PTPN22: variants seen among roughly 807,000 people sequenced by gnomAD.
The protein encoded by PTPN22 is protein tyrosine phosphatase non-receptor type 22.
PTPN22 carries 85 observed loss-of-function variants against 103.3 expected under a neutral mutation model. That is an observed-to-expected ratio of 0.82 (90% confidence interval 0.69 to 0.99). The LOEUF (loss-of-function observed/expected upper bound fraction) is 0.99. Among genes scored for constraint, PTPN22 ranks in the 50% least tolerant of loss-of-function variants. PTPN22 has a pLI of 0.00. For synonymous variants in PTPN22, 323 were observed against 310.2 expected, an observed-to-expected ratio of 1.04 and a Z score of -0.43; for missense variants, 865 against 936.9, an observed-to-expected ratio of 0.92 and a Z score of 1.00.
At chr1:113,856,592 G>T (rs1450261764) in exon 6 of PTPN22, 1 of 1,614,020 alleles carries the variant, frequency 6.2e-7, no homozygotes, top group Non-Finnish European at 8.5e-7. Context: ...ATCTCTCCTG[G>T]CTCAGCCCAG....
chr1:113,858,514 C>T, exon 4 of PTPN22: 1 of 1,606,776 alleles, frequency 6.2e-7, no homozygotes, highest in Non-Finnish European at 8.5e-7. Context: ...TCCAGAAGTC[C>T]AGGAGGGTTG....
At chr1:113,857,546 G>T in intron 5 of PTPN22, 192 bp downstream of exon 5, 1 of 542,838 alleles carries the variant, frequency 1.8e-6, no homozygotes, top group East Asian at 3.1e-5. Context: ...GGTCTACTGA[G>T]AAAACAAACA....
chr1:113,815,703 G>T (rs1008299379), intron 20 of PTPN22, among the ~76,000 whole-genome samples: 2 of 152,200 alleles, frequency 1.3e-5, no homozygotes, highest in African/African-American at 4.8e-5. Flanking sequence ...GTCTGAGACA[G>T]AGTCTTGCTC....
At chr1:113,841,765 G>C (rs1021442001) in intron 11 of PTPN22, among the ~76,000 whole-genome samples, 7 of 152,022 alleles carry the variant, frequency 4.6e-5, no homozygotes, top group Non-Finnish European at 1.0e-4. Context: ...ACCACACCCG[G>C]CTAATTTTTG....
chr1:113,853,859 CT>C (rs894010114), intron 9 of PTPN22, among the ~76,000 whole-genome samples: 846 of 67,172 alleles, frequency 0.013, 1 homozygote, highest in Non-Finnish European at 0.016. Flanking sequence ...TTTTTTTTTG[CT>C]TTTTTTTTTT....
intron 1 of PTPN22, among the ~76,000 whole-genome samples, chr1:113,868,828 T>C (rs1424793102): frequency 2.0e-5 from 3 of 152,154 alleles, no homozygotes; most frequent in Non-Finnish European, 4.4e-5. Flanking sequence ...GGTTGCTTTA[T>C]AATTATACTT....
chr1:113,842,077 G>A (rs1008948601), intron 11 of PTPN22, among the ~76,000 whole-genome samples: 2 of 152,018 alleles, frequency 1.3e-5, no homozygotes, highest in Non-Finnish European at 2.9e-5. Context: ...TGGTGTGGTA[G>A]TGCATACCTA....
exon 17 of PTPN22, chr1:113,829,974 C>G: frequency 6.2e-7 from 1 of 1,606,768 alleles, no homozygotes; most frequent in Non-Finnish European, 8.5e-7. Flanking sequence ...GAAAGAAGGA[C>G]TCTAGAGTTC....
At chr1:113,856,214 TG>T (rs1345325580) in intron 7 of PTPN22, among the ~76,000 whole-genome samples, 167 bp downstream of exon 7, 1 of 152,160 alleles carries the variant, frequency 6.6e-6, no homozygotes, top group African/African-American at 2.4e-5. Flanking sequence ...GACAGGTTTT[TG>T]CCATGTCGGC....
At chr1:113,831,952 TATA>T (rs1329930004) in intron 16 of PTPN22, among the ~76,000 whole-genome samples, 7 of 152,324 alleles carry the variant, frequency 4.6e-5, no homozygotes, top group Admixed American at 3.3e-4. Flanking sequence ...TAATAAAAAT[TATA>T]ATCGATAATA....
intron 18 of PTPN22, among the ~76,000 whole-genome samples, chr1:113,827,395 C>T (rs1380544860): frequency 1.3e-5 from 2 of 152,048 alleles, no homozygotes; most frequent in Non-Finnish European, 2.9e-5. Context: ...AGTATCCTTC[C>T]AGTGTTACTT....
At chr1:113,857,571 G>C (rs893062906) in intron 5 of PTPN22, 167 bp downstream of exon 5, 14 of 541,346 alleles carry the variant, frequency 2.6e-5, no homozygotes, top group Middle Eastern at 4.0e-4. Flanking sequence ...GGATTCTTAG[G>C]AGAAAAAAAA....
At chr1:113,853,522 G>A (rs1052633803) in intron 9 of PTPN22, among the ~76,000 whole-genome samples, 1 of 147,354 alleles carries the variant, frequency 6.8e-6, no homozygotes, top group Non-Finnish European at 1.5e-5. Flanking sequence ...GGCTAATTTT[G>A]TATTTTTAGT....
intron 6 of PTPN22, 22 bp downstream of exon 6, chr1:113,856,526 T>A (rs369453873): frequency 4.8e-5 from 77 of 1,614,054 alleles, no homozygotes; most frequent in Non-Finnish European, 6.4e-5. Context: ...TACTCAGACA[T>A]GAGAACAGAC....
At chr1:113,829,048 A>G (rs1662324686) in intron 18 of PTPN22, 1 of 151,904 alleles carries the variant, frequency 6.6e-6, no homozygotes, top group Non-Finnish European at 1.5e-5. Flanking sequence ...TTAGAAAGAC[A>G]TTTATCTAAA....
Position 113,838,034 on chromosome 1 carries a change from G to C in PTPN22, c.1366C>G (p.Gln456Glu), listed in dbSNP as rs72650672. The C allele has an allele frequency of 2.8e-3, 4,454 of 1,613,904 alleles. 5 individuals carry two copies. Among genetic ancestry groups the C allele is most frequent in the Non-Finnish European group, 3.5e-3 (4,100 of 1,180,012 alleles). The change falls in exon 13 of 21, where the codon CAG (glutamine) becomes GAG (glutamate). Residue 456 changes from glutamine (Q) to glutamate (E), a missense_variant. By Grantham distance (29) the Gln-to-Glu change is conservative (BLOSUM62 2). This residue lies in a region of PTPN22 where 7 missense variants were observed against 19.2 expected (regional missense o/e 0.37). Transcript: ENST00000359785. ...TCCACCTCCTTGGTTTCTCTCTGCT[G>C]TATCAATTCAAAAGGAGTTGATTTG...
chr1:113,857,670 G>A, intron 5 of PTPN22, 68 bp downstream of exon 5: 1 of 1,466,980 alleles, frequency 6.8e-7, no homozygotes, highest in South Asian at 1.2e-5. Flanking sequence ...AAGTTCTGCT[G>A]CCAATTTCCC....
intron 1 of PTPN22, among the ~76,000 whole-genome samples, chr1:113,868,908 C>T (rs1666338126): frequency 6.6e-6 from 1 of 152,068 alleles, no homozygotes; most frequent in African/African-American, 2.4e-5. Flanking sequence ...AAAACTATAA[C>T]AAGTTTTTAA....
At chr1:113,839,922 G>GA (rs1663386429) in intron 11 of PTPN22, among the ~76,000 whole-genome samples, 2 of 151,712 alleles carry the variant, frequency 1.3e-5, no homozygotes, top group African/African-American at 4.8e-5. Context: ...ATTCAAATTG[G>GA]AAAAAAAGGC....
Sources: gnomAD v4.1 joint callset for allele counts (sites outside exome capture counted in the v4.1 genomes callset) on GRCh38, gnomAD v4.1.1 for gene constraint, gnomAD v4.1.1 regional missense constraint, MANE v1.5 for transcripts, NCBI Gene and HGNC (gene_info 2026-07-23, HGNC 2026-07-21) for gene names.